PRKCH: variants seen among roughly 807,000 people sequenced by gnomAD.
PRKCH encodes protein kinase C eta type.
PRKCH carries 28 observed loss-of-function variants against 82.5 expected under a neutral mutation model. The observed-to-expected ratio is 0.34, with a 90% CI of 0.25 to 0.47. PRKCH has a LOEUF of 0.47. Among genes scored for constraint, PRKCH ranks in the 20% least tolerant of loss-of-function variants. The pLI, the probability that PRKCH is intolerant of heterozygous loss-of-function variation, is 1.00. For synonymous variants in PRKCH, 322 were observed against 327.4 expected, an observed-to-expected ratio of 0.98 and a Z score of 0.18; for missense variants, 705 against 881.8, an observed-to-expected ratio of 0.80 and a Z score of 2.54.
intron 2 of PRKCH, among the ~76,000 whole-genome samples, chr14:61,425,538 C>G (rs1447149134): frequency 6.6e-6 from 1 of 152,206 alleles, no homozygotes; most frequent in East Asian, 1.9e-4. Flanking sequence ...TTATCCAGTG[C>G]CTGTACCACC....
chr14:61,538,993 T>C (rs754434827), intron 12 of PRKCH, among the ~76,000 whole-genome samples: 10 of 152,228 alleles, frequency 6.6e-5, no homozygotes, highest in Non-Finnish European at 1.2e-4. Context: ...GTAGTTCGTA[T>C]AGCTTGGGCA....
chr14:61,456,892 C>G (rs957474087), intron 7 of PRKCH: 1 of 307,000 alleles, frequency 3.3e-6, no homozygotes, highest in African/African-American at 2.1e-5. Context: ...AGGGACCACA[C>G]AAGGCATTGG....
chr14:61,353,034 TA>T (rs2046103165), intron 1 of PRKCH, among the ~76,000 whole-genome samples: 1 of 152,168 alleles, frequency 6.6e-6, no homozygotes, highest in South Asian at 2.1e-4. Context: ...CTAAGTGGGG[TA>T]AATAAAGATT....
At chr14:61,470,776 T>G (rs545880363) in intron 9 of PRKCH, among the ~76,000 whole-genome samples, 1 of 152,312 alleles carries the variant, frequency 6.6e-6, no homozygotes, top group Admixed American at 6.5e-5. Flanking sequence ...TATGACGTTC[T>G]AAACATTAAA....
chr14:61,283,832 AAAAAAT>A (rs1366711819), intron 1 of PRKCH, among the ~76,000 whole-genome samples: 2 of 152,186 alleles, frequency 1.3e-5, no homozygotes, highest in African/African-American at 2.4e-5. Context: ...ACCCTGTCTC[AAAAAAT>A]AAAAATAAAA....
At chr14:61,256,023 A>G (rs1318581947) in intron 1 of PRKCH, among the ~76,000 whole-genome samples, 3 of 152,344 alleles carry the variant, frequency 2.0e-5, no homozygotes, top group Non-Finnish European at 2.9e-5. Flanking sequence ...CATAAAGTTT[A>G]GTGGCGCGAG....
At chr14:61,424,304 C>CAG (rs1174259777) in intron 2 of PRKCH, among the ~76,000 whole-genome samples, 1 of 152,096 alleles carries the variant, frequency 6.6e-6, no homozygotes, top group African/African-American at 2.4e-5. Flanking sequence ...GGATAACAGG[C>CAG]AGAGGTTGGA....
At chr14:61,285,790 C>T (rs1053317002) in intron 1 of PRKCH, among the ~76,000 whole-genome samples, 1 of 152,118 alleles carries the variant, frequency 6.6e-6, no homozygotes, top group Non-Finnish European at 1.5e-5. Flanking sequence ...CAGCTTAATT[C>T]CAGTGTCCTG....
chr14:61,468,398 G>A (rs1029676687), intron 9 of PRKCH, among the ~76,000 whole-genome samples: 39 of 152,102 alleles, frequency 2.6e-4, no homozygotes, highest in African/African-American at 9.2e-4. Flanking sequence ...TGACTTTGGG[G>A]CCAACATATG....
At chr14:61,468,990 A>G (rs1382073112) in intron 9 of PRKCH, among the ~76,000 whole-genome samples, 1 of 152,206 alleles carries the variant, frequency 6.6e-6, no homozygotes, top group Non-Finnish European at 1.5e-5. Flanking sequence ...AAGTGCCAGG[A>G]CTGCTCAAAA....
At chr14:61,460,254 G>T (rs1420252619) in intron 9 of PRKCH, among the ~76,000 whole-genome samples, 4 of 152,058 alleles carry the variant, frequency 2.6e-5, no homozygotes, top group African/African-American at 9.7e-5. Context: ...CTCCATTTTA[G>T]AACATGACAT....
intron 12 of PRKCH, among the ~76,000 whole-genome samples, chr14:61,539,016 G>A (rs1959778213): frequency 6.6e-6 from 1 of 152,190 alleles, no homozygotes; most frequent in South Asian, 2.1e-4. Flanking sequence ...TAGGGTAGCA[G>A]CAGCTTTTTC....
intron 1 of PRKCH, among the ~76,000 whole-genome samples, chr14:61,249,536 AAAG>A (rs1185740275): frequency 6.6e-6 from 1 of 151,934 alleles, no homozygotes; most frequent in Non-Finnish European, 1.5e-5. Flanking sequence ...AAAAAAAAAA[AAAG>A]GGAAGTGTTG....
intron 9 of PRKCH, among the ~76,000 whole-genome samples, chr14:61,475,277 A>G (rs1885679813): frequency 6.6e-6 from 1 of 152,234 alleles, no homozygotes; most frequent in Admixed American, 6.5e-5. Context: ...AAGAAATCCT[A>G]TTGTGGATGC....
intron 1 of PRKCH, chr14:61,305,025 T>G (rs2140106519): frequency 6.6e-6 from 1 of 152,212 alleles, no homozygotes; most frequent in Non-Finnish European, 1.5e-5. Context: ...GTAGCTGGTG[T>G]GTTTTCTTTC....
intron 9 of PRKCH, among the ~76,000 whole-genome samples, chr14:61,476,786 C>A (rs984217926): frequency 6.6e-6 from 1 of 152,194 alleles, no homozygotes; most frequent in African/African-American, 2.4e-5. Flanking sequence ...ATGTATCTTG[C>A]CTGTGGGCTT....
At chr14:61,383,998 A>C (rs780377361) in intron 1 of PRKCH, among the ~76,000 whole-genome samples, 2 of 152,118 alleles carry the variant, frequency 1.3e-5, no homozygotes, top group Admixed American at 6.6e-5. Context: ...CGGAGGCTTT[A>C]GAGGGGGAAG....
intron 9 of PRKCH, among the ~76,000 whole-genome samples, chr14:61,482,187 G>C (rs1167357484): frequency 6.6e-6 from 1 of 151,680 alleles, no homozygotes; most frequent in Non-Finnish European, 1.5e-5. Context: ...AGTAGAGACG[G>C]GGTTTCACCA....
chr14:61,467,482 T>C (rs959729), intron 9 of PRKCH, among the ~76,000 whole-genome samples: 133,368 of 152,242 alleles, frequency 0.88, 59,460 homozygotes, highest in East Asian at 1. Context: ...AGCCGCTGGA[T>C]GTGGGGAGGA....
Sources: allele counts gnomAD v4.1 joint callset (sites outside exome capture counted in the v4.1 genomes callset), GRCh38; gene constraint gnomAD v4.1.1; transcripts MANE v1.5; gene names NCBI Gene and HGNC (gene_info 2026-07-23, HGNC 2026-07-21).